Variants in GFOD1 observed in about 807,000 individuals in gnomAD.
GFOD1 encodes glucose-fructose oxidoreductase domain-containing protein 1.
A neutral mutation model predicts 25.4 loss-of-function variants in GFOD1; 9 were observed. That is an observed-to-expected ratio of 0.35 (90% CI 0.21 to 0.62). The LOEUF is 0.62. Ranked by LOEUF, GFOD1 falls within the 20% of genes least tolerant of loss-of-function variation. The pLI, the probability that GFOD1 is intolerant of heterozygous loss-of-function variation, is 0.72. For missense variants in GFOD1, 403 were observed against 556.9 expected (o/e 0.72, Z 2.78); for synonymous variants, 253 against 245.6 (o/e 1.03, Z -0.28).
rs1784896953 is a variant in GFOD1 at position 13,358,174 on chromosome 6, T to C, written c.*6569A>G. The C allele has an allele frequency of 6.6e-6, 1 of 152,190 alleles. No individual in the cohort carries two copies. Among genetic ancestry groups the C allele is most frequent in the African/African-American group, 2.4e-5 (1 of 41,444 alleles). 9.4% of individuals were successfully genotyped at this position (152,190 alleles called of 1,614,324 possible). A position where few individuals can be genotyped will look rare whatever the true frequency, so the allele number is the denominator to read the frequency against. On this transcript the variant is annotated 3_prime_UTR_variant, in exon 2 of 2. Coordinates refer to ENST00000379287, the MANE Select transcript of GFOD1 (RefSeq NM_018988.4). Reference sequence around the variant, plus strand: ...AAGAAAACCAAAACCTCCTATAATTTATAAGCTATGTTTGACTATCTACAT... The same window carrying C: ...AAGAAAACCAAAACCTCCTATAATTCATAAGCTATGTTTGACTATCTACAT...
chr6:13,459,102 G>A (rs1758245007), intron 1 of GFOD1, among the ~76,000 whole-genome samples: 1 of 152,176 alleles, frequency 6.6e-6, no homozygotes, highest in Non-Finnish European at 1.5e-5. Flanking sequence ...CTGCTCTGAT[G>A]AGTGGGTTAA....
In GFOD1 at chr6:13,409,922, C is replaced by CAA. The variant is rs757548005; in HGVS notation, c.254-44262_254-44261dup. 7.4e-3 allele frequency among the ~76,000 whole-genome samples: 531 copies of CAA among 71,960 alleles called. 4 individuals are homozygous for CAA. The highest frequency in any genetic ancestry group is 0.017 in the African/African-American group (431 of 25,836). The allele number at this position is 71,960 out of a possible 152,430, so 47.2% of individuals were successfully genotyped here. ...TGGGCGACAGAGCGGGGCTCCATTT[C>CAA]AAAAAAAAAAAAAAAAAAGAAAGAA... is the stretch of plus-strand genomic sequence containing the variant. On this transcript the variant is annotated intron_variant, in intron 1 of 1. Transcript: ENST00000379287.
intron 1 of GFOD1, among the ~76,000 whole-genome samples, chr6:13,389,368 G>A (rs1785538268): frequency 6.6e-6 from 1 of 152,150 alleles, no homozygotes; most frequent in South Asian, 2.1e-4. Flanking sequence ...CAACCCAAAT[G>A]TCCATCAATG....
At chr6:13,475,412 A>T (rs1276116217) in intron 1 of GFOD1, among the ~76,000 whole-genome samples, 1 of 151,954 alleles carries the variant, frequency 6.6e-6, no homozygotes, top group Non-Finnish European at 1.5e-5. Flanking sequence ...CATCTCTACT[A>T]AAAATACAAA....
Position 13,469,264 on chromosome 6 carries a change from C to T in GFOD1, c.253+17374G>A, listed in dbSNP as rs114079615. 988 of 985,456 alleles carry T rather than the reference C, an allele frequency of 1.0e-3. 8 individuals are homozygous for T. In the African/African-American group the frequency reaches 0.016, roughly 16 times the overall value. The allele number at this position is 985,456 out of a possible 1,614,324, so 61.0% of individuals were successfully genotyped here. On this transcript the variant is annotated intron_variant, in intron 1 of 1. Coordinates refer to ENST00000379287, the MANE Select transcript of GFOD1 (RefSeq NM_018988.4). Reference sequence around the variant, plus strand: ...AACAGATGGAGGAATACATCACACTCGCCTTTTATATCTTATCCATACAAG... The same window carrying T: ...AACAGATGGAGGAATACATCACACTTGCCTTTTATATCTTATCCATACAAG...
rs1584627619 is a variant in GFOD1 at position 13,397,720 on chromosome 6, T to C, written c.254-32058A>G. 4.6e-5 allele frequency among the ~76,000 whole-genome samples: 7 copies of C among 152,330 alleles called. No homozygotes were observed. In the South Asian group the frequency reaches 1.2e-3, roughly 27 times the overall value. On this transcript the variant is annotated intron_variant, in intron 1 of 1. Transcript: ENST00000379287. The stretch of plus-strand genomic sequence containing the variant: ...TTCAGTCTTAGGAATGAGCAGAAGA[T>C]GGTGATGTCTTGCAGTGGGCATACC...
intron 1 of GFOD1, among the ~76,000 whole-genome samples, chr6:13,385,268 A>G (rs140763990): frequency 2.6e-5 from 4 of 152,360 alleles, no homozygotes; most frequent in African/African-American, 9.6e-5. Context: ...AAGACAGGAC[A>G]GGCAGGAGAG....
intron 1 of GFOD1, among the ~76,000 whole-genome samples, chr6:13,465,702 C>T (rs995122435): frequency 3.3e-5 from 5 of 152,178 alleles, no homozygotes; most frequent in African/African-American, 1.2e-4. Flanking sequence ...TAACAAACCC[C>T]TTGTCTTAGA....
chr6:13,445,829 G>A (rs73725828), intron 1 of GFOD1, among the ~76,000 whole-genome samples: 7,306 of 152,238 alleles, frequency 0.048, 562 homozygotes, highest in African/African-American at 0.17. Context: ...GGCTTGTCCT[G>A]CTGGGTTGCA....
chr6:13,473,910 C>A (rs1758561325), intron 1 of GFOD1, among the ~76,000 whole-genome samples: 1 of 152,138 alleles, frequency 6.6e-6, no homozygotes, highest in Admixed American at 6.5e-5. Context: ...ACGAGTGGGG[C>A]CCCACTCATT....
rs183728653 is a variant in GFOD1 at position 13,435,871 on chromosome 6, G to A, written c.253+50767C>T. On this transcript the variant is annotated intron_variant, in intron 1 of 1. Transcript: ENST00000379287. ...TTATAAATATAGGAATGGAAGAGAG[G>A]GGTTAGGAGTGATGGTCAAAGGAGA... Among the ~76,000 whole-genome samples, 185 of 152,254 alleles carry A rather than the reference G, an allele frequency of 1.2e-3. 1 individual carries two copies. Among genetic ancestry groups the A allele is most frequent in the African/African-American group, 4.2e-3 (173 of 41,544 alleles).
intron 1 of GFOD1, among the ~76,000 whole-genome samples, chr6:13,403,457 C>G (rs1042419212): frequency 6.6e-6 from 1 of 152,154 alleles, no homozygotes; most frequent in Non-Finnish European, 1.5e-5. Flanking sequence ...TTACCATACA[C>G]CTAGGCTATA....
In GFOD1 at chr6:13,418,752, G is replaced by A. The variant is rs187995190; in HGVS notation, c.254-53090C>T. Among the ~76,000 whole-genome samples, 29 of 152,318 alleles carry A rather than the reference G, an allele frequency of 1.9e-4. 1 individual carries two copies. The highest frequency in any genetic ancestry group is 2.4e-4 in the Non-Finnish European group (16 of 68,030). ...TGGGACTCATGCTGAAGATAAAGAA[G>A]CAGTCCCAGCAAGGATGGGTGCCTG... On this transcript the variant is annotated intron_variant, in intron 1 of 1. Transcript: ENST00000379287.
At chr6:13,484,741 G>A (rs1463512868) in intron 1 of GFOD1, among the ~76,000 whole-genome samples, 2 of 152,120 alleles carry the variant, frequency 1.3e-5, no homozygotes, top group Admixed American at 6.5e-5. Flanking sequence ...TCATGGCCAT[G>A]GTCCCAGAGA....
rs1435547132 is a variant in GFOD1 at position 13,469,299 on chromosome 6, T to C, written c.253+17339A>G. 1.3e-5 allele frequency: 13 copies of C among 984,676 alleles called. No homozygotes were observed. The South Asian group carries it at 1.9e-4, about 14-fold the overall frequency. 61.0% of individuals were successfully genotyped at this position (984,676 alleles called of 1,614,324 possible). ...ATCTTATCCATACAAGAGTTTGCCA[T>C]TTATTTTAGCCTCTTCAAAAATAAG... On this transcript the variant is annotated intron_variant, in intron 1 of 1. Transcript: ENST00000379287.
chr6:13,359,592 T>C lies in GFOD1; in HGVS notation c.*5151A>G, dbSNP rs1784916289. 1 of 152,234 alleles carries C rather than the reference T, an allele frequency of 6.6e-6. No individual in the cohort carries two copies. The highest frequency in any genetic ancestry group is 6.5e-5 in the Admixed American group (1 of 15,276). 9.4% of individuals were successfully genotyped at this position (152,234 alleles called of 1,614,324 possible). ...GTCATTGTTCACATTACAGTCACAA[T>C]GGGACATTTTAAACAGCTCGTTTTC... On this transcript the variant is annotated 3_prime_UTR_variant, in exon 2 of 2. Coordinates refer to ENST00000379287, the MANE Select transcript of GFOD1 (RefSeq NM_018988.4).
chr6:13,459,801 T>A (rs972670070), intron 1 of GFOD1, among the ~76,000 whole-genome samples: 1 of 152,160 alleles, frequency 6.6e-6, no homozygotes, highest in Non-Finnish European at 1.5e-5. Flanking sequence ...CACAATGAGA[T>A]ACCATCTCAT....
chr6:13,406,459 C>T (rs1295297512), intron 1 of GFOD1, among the ~76,000 whole-genome samples: 2 of 149,628 alleles, frequency 1.3e-5, no homozygotes, highest in Non-Finnish European at 2.9e-5. Flanking sequence ...GAAAGGGCGC[C>T]TGTATTCACG....
chr6:13,367,613 A>G (rs1785072255), intron 1 of GFOD1, among the ~76,000 whole-genome samples: 1 of 152,090 alleles, frequency 6.6e-6, no homozygotes, highest in Non-Finnish European at 1.5e-5. Context: ...TTAGGAGACT[A>G]AGTGGTTCTG....
Sources: allele counts gnomAD v4.1 joint callset (sites outside exome capture counted in the v4.1 genomes callset), GRCh38; gene constraint gnomAD v4.1.1; transcripts MANE v1.5; gene names NCBI Gene and HGNC (gene_info 2026-07-23, HGNC 2026-07-21).